The following TAF1B variants were observed in gnomAD, a reference collection of about 807,000 sequenced individuals.
The protein encoded by TAF1B is TATA-box binding protein associated factor, RNA polymerase I subunit B.
TAF1B carries 61 observed loss-of-function variants against 83.9 expected under a neutral mutation model. The ratio of observed to expected loss-of-function variants is 0.73; its 90% confidence interval spans 0.59 to 0.90. The LOEUF is 0.90. TAF1B is among the 40% of genes least tolerant of loss of function. TAF1B has a pLI of 0.00. For synonymous variants in TAF1B, 221 were observed against 224.6 expected (o/e 0.98, Z 0.14); for missense variants, 625 against 677.0 (o/e 0.92, Z 0.85).
rs1030426917 is a variant in TAF1B, at chr2:9,876,005, T to C, written c.694T>C (p.Ser232Pro). The change falls in exon 7 of 15, where the codon TCA (serine) becomes CCA (proline). Residue 232 changes from serine (S) to proline (P), a missense_variant. Transcript: ENST00000263663. The part of the protein sequence containing the change: ...LLWQREAITL[S>P]DLLRFVEEDH... ...TTGGCAGAGAGAAGCAATAACACTT[T>C]CAGATCTTTTGAGGTTAGCTAGACC... The C allele has an allele frequency of 1.2e-6, 2 of 1,609,450 alleles. No homozygotes were observed. Among genetic ancestry groups the C allele is most frequent in the Non-Finnish European group, 1.7e-6 (2 of 1,176,358 alleles).
chr2:9,859,386 ATT>A (rs34951709), intron 5 of TAF1B, among the ~76,000 whole-genome samples: 75 of 133,346 alleles, frequency 5.6e-4, no homozygotes, highest in South Asian at 1.7e-3. Context: ...CACTATCAGC[ATT>A]TTTTTTTTTT....
chr2:9,891,808 A>T (rs1468741352), intron 8 of TAF1B, among the ~76,000 whole-genome samples: 1 of 152,234 alleles, frequency 6.6e-6, no homozygotes, highest in Non-Finnish European at 1.5e-5. Context: ...GAATAAGGAT[A>T]TAAAGAAAAC....
chr2:9,872,102 C>A (rs1018142183), intron 6 of TAF1B, among the ~76,000 whole-genome samples: 2 of 151,694 alleles, frequency 1.3e-5, no homozygotes, highest in Non-Finnish European at 2.9e-5. Flanking sequence ...CCGACGCAGG[C>A]GGATCACGAG....
intron 14 of TAF1B, among the ~76,000 whole-genome samples, chr2:9,921,736 T>C (rs1398056546): frequency 6.6e-6 from 1 of 152,228 alleles, no homozygotes; most frequent in Non-Finnish European, 1.5e-5. Context: ...TAAAATTCTT[T>C]CAACTTTGCT....
rs181781636 is a variant in TAF1B, at chr2:9,924,960, G to C, written c.1565+5140G>C. Among the ~76,000 whole-genome samples, 268 of 152,236 alleles carry C rather than the reference G, an allele frequency of 1.8e-3. 1 individual carries two copies. Among genetic ancestry groups the C allele is most frequent in the African/African-American group, 6.0e-3 (249 of 41,560 alleles). Reference sequence around the variant, plus strand: ...ATTCCTCCAATTGTTATAACAGTTGGCTAGGTCAGAAGACCTGACTTCTTG... The same window carrying C: ...ATTCCTCCAATTGTTATAACAGTTGCCTAGGTCAGAAGACCTGACTTCTTG... On this transcript the variant is annotated intron_variant, in intron 14 of 14. Coordinates refer to ENST00000263663, the MANE Select transcript of TAF1B (RefSeq NM_005680.3).
chr2:9,898,277 T>C (rs1665077764), intron 8 of TAF1B, among the ~76,000 whole-genome samples: 1 of 152,188 alleles, frequency 6.6e-6, no homozygotes, highest in Non-Finnish European at 1.5e-5. Flanking sequence ...CAGTTAAGTA[T>C]AGTGTGGGCT....
chr2:9,931,559 C>T (rs1666212775), intron 14 of TAF1B, among the ~76,000 whole-genome samples: 2 of 152,190 alleles, frequency 1.3e-5, no homozygotes, highest in Admixed American at 6.5e-5. Flanking sequence ...ATGGGCTTCC[C>T]TTTGTGGGTA....
At chr2:9,880,381 A>T (rs1664461996) in intron 7 of TAF1B, among the ~76,000 whole-genome samples, 1 of 146,860 alleles carries the variant, frequency 6.8e-6, no homozygotes, top group Non-Finnish European at 1.5e-5. Context: ...CTAGCTGATA[A>T]TACCTAGGAA....
intron 8 of TAF1B, among the ~76,000 whole-genome samples, chr2:9,893,142 A>T (rs369551): frequency 0.28 from 42,313 of 152,012 alleles, 6,837 homozygotes; most frequent in Middle Eastern, 0.39. Context: ...TTGCAAAACT[A>T]AGAGTAGTAC....
chr2:9,879,920 C>T (rs576079284), intron 7 of TAF1B, among the ~76,000 whole-genome samples: 2 of 152,238 alleles, frequency 1.3e-5, no homozygotes, highest in South Asian at 2.1e-4. Context: ...AGGGGAACTG[C>T]GGGTTTCCAG....
At chr2:9,927,216 C>G (rs534179026) in intron 14 of TAF1B, among the ~76,000 whole-genome samples, 4 of 152,258 alleles carry the variant, frequency 2.6e-5, no homozygotes, top group South Asian at 4.2e-4. Flanking sequence ...TTTTTTATAG[C>G]TGCATAGTAT....
intron 14 of TAF1B, among the ~76,000 whole-genome samples, chr2:9,921,804 T>C (rs1665887350): frequency 6.6e-6 from 1 of 152,248 alleles, no homozygotes; most frequent in African/African-American, 2.4e-5. Flanking sequence ...AGATTCAGGC[T>C]ATGCCATGAA....
At chr2:9,916,290 A>G (rs755320014) in intron 12 of TAF1B, among the ~76,000 whole-genome samples, 2 of 152,242 alleles carry the variant, frequency 1.3e-5, no homozygotes, top group African/African-American at 2.4e-5. Context: ...GTAACTGGAA[A>G]ACATGGTTTG....
At chr2:9,886,654 T>A (rs1307695375) in intron 8 of TAF1B, among the ~76,000 whole-genome samples, 2 of 150,526 alleles carry the variant, frequency 1.3e-5, no homozygotes, top group Non-Finnish European at 3.0e-5. Context: ...CCATTATTAC[T>A]AAATGTTTAG....
intron 14 of TAF1B, among the ~76,000 whole-genome samples, chr2:9,929,226 T>C (rs1254817952): frequency 6.6e-6 from 1 of 152,166 alleles, no homozygotes; most frequent in Non-Finnish European, 1.5e-5. Context: ...TGGCACAATC[T>C]CGGCTGACTG....
In TAF1B at chr2:9,919,633, C is replaced by G. The variant is rs1314519738; in HGVS notation, c.1378C>G (p.Leu460Val). 3.1e-6 allele frequency: 5 copies of G among 1,614,098 alleles called. No individual in the cohort carries two copies. Among genetic ancestry groups the G allele is most frequent in the Non-Finnish European group, 3.4e-6 (4 of 1,180,026 alleles). ...VVNLQKQFST[L>V]VESTATAGKK... ...GAATCTACAGAAACAATTTAGCACA[C>G]TGGTCGAGTCAACAGCAACTGCTGG... The change falls in exon 14 of 15, where the codon CTG becomes GTG. Residue 460 changes from leucine (L) to valine (V), a missense_variant. Physicochemically the swap from Leu to Val is conservative, Grantham distance 32. Transcript: ENST00000263663.
intron 1 of TAF1B, 76 bp downstream of exon 1, chr2:9,843,635 G>A (rs1663094807): frequency 1.4e-6 from 2 of 1,396,234 alleles, no homozygotes; most frequent in African/African-American, 1.5e-5. Flanking sequence ...AGCGGCGGAG[G>A]ACGCCGCGGG....
At chr2:9,933,632 A>C in intron 14 of TAF1B, 151 bp from the exon 15 acceptor site, 1 of 638,282 alleles carries the variant, frequency 1.6e-6, no homozygotes, top group Non-Finnish European at 2.7e-6. Flanking sequence ...AGGAGTTAAC[A>C]AATTCTTCTA....
intron 3 of TAF1B, 68 bp downstream of exon 3, chr2:9,849,528 A>G (rs1395827080): frequency 5.0e-6 from 6 of 1,196,592 alleles, no homozygotes; most frequent in Non-Finnish European, 5.6e-6. Flanking sequence ...ATGTCAGGAC[A>G]TGGAATGGAA....
Sources: gnomAD v4.1 joint callset for allele counts (sites outside exome capture counted in the v4.1 genomes callset) on GRCh38, gnomAD v4.1.1 for gene constraint, MANE v1.5 for transcripts, NCBI Gene and HGNC (gene_info 2026-07-23, HGNC 2026-07-21) for gene names.